Variants in GRIK1 observed in about 807,000 individuals in gnomAD.
The protein encoded by GRIK1 is glutamate receptor ionotropic, kainate 1.
Under a neutral mutation model 105.7 loss-of-function variants are expected in GRIK1, and 69 were observed. That is an observed-to-expected ratio of 0.65 (90% confidence interval 0.54 to 0.80). The LOEUF is 0.80. GRIK1 is among the 30% of genes least tolerant of loss of function. The pLI is 0.00. For missense variants in GRIK1, 1,109 were observed against 1,167.3 expected, an observed-to-expected ratio of 0.95 and a Z score of 0.73; for synonymous variants, 438 against 431.3, an observed-to-expected ratio of 1.02 and a Z score of -0.19.
chr21:29,574,971 A>G lies in GRIK1; in HGVS notation c.2130+1993T>C, dbSNP rs1022824149. Among the ~76,000 whole-genome samples the G allele has an allele frequency of 8.6e-5, 13 of 151,946 alleles. No individual in the cohort carries two copies. In the South Asian group the frequency reaches 2.7e-3, roughly 32 times the overall value. On this transcript the variant is annotated intron_variant, in intron 14 of 17. Coordinates refer to ENST00000327783, the MANE Select transcript of GRIK1 (RefSeq NM_001330994.2). Reference sequence around the variant, plus strand: ...GGCCTCCCAAAGTGCTGGGATTACAAGCGTGAGCCACCGCGCCCGGCCTAA... The same window carrying G: ...GGCCTCCCAAAGTGCTGGGATTACAGGCGTGAGCCACCGCGCCCGGCCTAA...
intron 2 of GRIK1, among the ~76,000 whole-genome samples, chr21:29,690,798 A>G (rs976553524): frequency 6.6e-6 from 1 of 152,250 alleles, no homozygotes; most frequent in Non-Finnish European, 1.5e-5. Context: ...TAGAATATTT[A>G]AAATTAGGGA....
chr21:29,859,750 G>A lies in GRIK1; in HGVS notation c.118+79633C>T, dbSNP rs138025840. 2.1e-4 allele frequency among the ~76,000 whole-genome samples: 32 copies of A among 152,310 alleles called. 1 individual carries two copies. The highest frequency in any genetic ancestry group is 7.7e-4 in the African/African-American group (32 of 41,560). On this transcript the variant is annotated intron_variant, in intron 1 of 17. Coordinates refer to ENST00000327783, the MANE Select transcript of GRIK1 (RefSeq NM_001330994.2). The stretch of plus-strand genomic sequence containing the variant: ...TAAGCACCACATTATTATCTTGCTA[G>A]GCCTGAGAATGCTCTTTCATGTTTT...
At chr21:29,843,086 C>A (rs1312482425) in intron 1 of GRIK1, among the ~76,000 whole-genome samples, 1 of 152,114 alleles carries the variant, frequency 6.6e-6, no homozygotes, top group African/African-American at 2.4e-5. Flanking sequence ...TTCAGTAGGG[C>A]TTAATAAATA....
chr21:29,596,725 T>C, intron 8 of GRIK1, 155 bp from the exon 9 acceptor site: 1 of 672,136 alleles, frequency 1.5e-6, no homozygotes, highest in South Asian at 1.7e-5. Context: ...AGCCTGACAA[T>C]AGGTACAGCA....
At chr21:29,844,889 G>A (rs569494822) in intron 1 of GRIK1, among the ~76,000 whole-genome samples, 11 of 152,024 alleles carry the variant, frequency 7.2e-5, no homozygotes, top group Non-Finnish European at 1.6e-4. Flanking sequence ...GGAAAATTTC[G>A]TTTTGTTCCA....
intron 1 of GRIK1, among the ~76,000 whole-genome samples, chr21:29,837,380 G>C (rs970733616): frequency 1.3e-5 from 2 of 152,148 alleles, no homozygotes; most frequent in Non-Finnish European, 2.9e-5. Flanking sequence ...AGCATCTGAT[G>C]CTTCTTAACA....
In GRIK1 at chr21:29,695,163, G is replaced by A. The variant is rs150557320; in HGVS notation, c.119-1100C>T. Among the ~76,000 whole-genome samples the A allele has an allele frequency of 2.6e-3, 392 of 152,268 alleles. 5 individuals are homozygous for A. Among genetic ancestry groups the A allele is most frequent in the African/African-American group, 9.0e-3 (373 of 41,548 alleles). ...AATGTTAGTGCTTAAAGCCTCATCA[G>A]AGAATGAGCTCTGATTTTGCTTGAG... On this transcript the variant is annotated intron_variant, in intron 1 of 17. Coordinates refer to ENST00000327783, the MANE Select transcript of GRIK1 (RefSeq NM_001330994.2).
At chr21:29,631,784 G>A (rs1461398522) in intron 7 of GRIK1, among the ~76,000 whole-genome samples, 1 of 152,168 alleles carries the variant, frequency 6.6e-6, no homozygotes, top group African/African-American at 2.4e-5. Flanking sequence ...AATAAAATAA[G>A]TTATTAAAAT....
chr21:29,939,621 G>T lies in GRIK1; in HGVS notation c.-121C>A. The T allele has an allele frequency of 1.6e-6, 1 of 621,242 alleles. No homozygotes were observed. The highest frequency in any genetic ancestry group is 2.7e-6 in the Non-Finnish European group (1 of 371,304). The allele number at this position is 621,242 out of a possible 1,614,324, so 38.5% of individuals were successfully genotyped here. A position where few individuals can be genotyped will look rare whatever the true frequency, so the allele number is the denominator to read the frequency against. ...GATGCTCCGGTTCCAAGCACGCTGC[G>T]CGCTCCCCACGGAGCGAGCTCGAGG... is the stretch of plus-strand genomic sequence containing the variant. On this transcript the variant is annotated 5_prime_UTR_variant, in exon 1 of 18. Coordinates refer to ENST00000327783, the MANE Select transcript of GRIK1 (RefSeq NM_001330994.2).
chr21:29,614,704 C>T (rs552879249), intron 7 of GRIK1, among the ~76,000 whole-genome samples: 22 of 151,466 alleles, frequency 1.5e-4, no homozygotes, highest in East Asian at 3.9e-4. Context: ...TGAGCCACCG[C>T]GCCCAGCCCC....
chr21:29,829,563 G>A (rs1423483486), intron 1 of GRIK1, among the ~76,000 whole-genome samples: 1 of 152,120 alleles, frequency 6.6e-6, no homozygotes, highest in Non-Finnish European at 1.5e-5. Flanking sequence ...TTCTATCTGT[G>A]TTAGCAAGCA....
At chr21:29,898,895 C>T (rs536139833) in intron 1 of GRIK1, among the ~76,000 whole-genome samples, 78 of 151,896 alleles carry the variant, frequency 5.1e-4, no homozygotes, top group African/African-American at 1.9e-3. Context: ...TCGCTTGAAC[C>T]TGGGAGGTGG....
At chr21:29,856,553 A>G (rs1440803944) in intron 1 of GRIK1, among the ~76,000 whole-genome samples, 1 of 152,190 alleles carries the variant, frequency 6.6e-6, no homozygotes, top group Non-Finnish European at 1.5e-5. Context: ...TCGTTCACAC[A>G]TCTATTCTGA....
chr21:29,647,944 T>G (rs2062652338), intron 6 of GRIK1, among the ~76,000 whole-genome samples: 1 of 152,188 alleles, frequency 6.6e-6, no homozygotes, highest in Admixed American at 6.5e-5. Context: ...TTAAACTAAA[T>G]TTTTTTCTTT....
intron 1 of GRIK1, among the ~76,000 whole-genome samples, chr21:29,775,846 C>A (rs1482380943): frequency 6.6e-6 from 1 of 152,198 alleles, no homozygotes; most frequent in Admixed American, 6.5e-5. Context: ...AGGCGCTAAA[C>A]CTCCCTTTAG....
At chr21:29,712,383 C>G (rs2064078366) in intron 1 of GRIK1, among the ~76,000 whole-genome samples, 1 of 151,554 alleles carries the variant, frequency 6.6e-6, no homozygotes, top group Non-Finnish European at 1.5e-5. Context: ...TCTTTATTTC[C>G]TTAGTTCTTT....
At chr21:29,799,958 T>C (rs1045244712) in intron 1 of GRIK1, among the ~76,000 whole-genome samples, 4 of 152,196 alleles carry the variant, frequency 2.6e-5, no homozygotes, top group African/African-American at 4.8e-5. Flanking sequence ...TTTTGTTAAG[T>C]GGAAAATAAT....
At chr21:29,645,982 G>C (rs2062609025) in intron 6 of GRIK1, among the ~76,000 whole-genome samples, 1 of 152,158 alleles carries the variant, frequency 6.6e-6, no homozygotes, top group Non-Finnish European at 1.5e-5. Flanking sequence ...AGGGTACTCA[G>C]ACCTTGCACA....
chr21:29,692,248 G>A (rs971927376), intron 2 of GRIK1, among the ~76,000 whole-genome samples: 6 of 152,152 alleles, frequency 3.9e-5, no homozygotes, highest in Non-Finnish European at 5.9e-5. Context: ...ATTTTTATGT[G>A]GCTAGAGTTC....
Sources: allele counts gnomAD v4.1 joint callset (sites outside exome capture counted in the v4.1 genomes callset), GRCh38; gene constraint gnomAD v4.1.1; transcripts MANE v1.5; gene names NCBI Gene and HGNC (gene_info 2026-07-23, HGNC 2026-07-21).